COMMD1: variants seen among roughly 807,000 people sequenced by gnomAD.
COMMD1 encodes the protein copper metabolism domain containing 1.
A neutral mutation model predicts 17.2 loss-of-function variants in COMMD1; 10 were observed. The ratio of observed to expected loss-of-function variants is 0.58; its 90% CI spans 0.36 to 0.99. COMMD1 has a LOEUF of 0.99. Ranked by LOEUF, COMMD1 falls within the 50% of genes least tolerant of loss-of-function variation. COMMD1 has a pLI of 0.01. For missense variants in COMMD1, 270 were observed against 231.8 expected, an observed-to-expected ratio of 1.17 and a Z score of -1.07; for synonymous variants, 97 against 91.6, an observed-to-expected ratio of 1.06 and a Z score of -0.34.
chr2:62,066,498 C>T (rs916431369), intron 2 of COMMD1, among the ~76,000 whole-genome samples: 8 of 132,560 alleles, frequency 6.0e-5, no homozygotes, highest in Non-Finnish European at 1.3e-4. Flanking sequence ...TGCAGTGGTG[C>T]GATCTCGGCT....
intron 2 of COMMD1, among the ~76,000 whole-genome samples, chr2:62,042,626 AGG>A (rs947177309): frequency 6.6e-6 from 1 of 152,042 alleles, no homozygotes; most frequent in African/African-American, 2.4e-5. Flanking sequence ...CCCCGCGAGC[AGG>A]GGGAGCCGGC....
chr2:61,971,492 G>A (rs999346680), intron 1 of COMMD1, among the ~76,000 whole-genome samples: 18 of 152,246 alleles, frequency 1.2e-4, no homozygotes, highest in East Asian at 5.8e-4. Context: ...GTACTGTGGC[G>A]TGCCTGGGCA....
chr2:61,947,972 CTTATT>C (rs922550603), intron 1 of COMMD1, among the ~76,000 whole-genome samples: 17 of 151,924 alleles, frequency 1.1e-4, no homozygotes, highest in Non-Finnish European at 2.5e-4. Flanking sequence ...AATATATTAG[CTTATT>C]TTATCAGTAA....
At chr2:61,928,672 G>A (rs1160768237) in intron 1 of COMMD1, 1 of 152,096 alleles carries the variant, frequency 6.6e-6, no homozygotes, top group Non-Finnish European at 1.5e-5. Context: ...AAATAAATTT[G>A]TAACTGGTTG....
rs11310507 is a variant in COMMD1 at position 62,002,491 on chromosome 2, G to GAA, written c.462+1541_462+1542dup. 4.8e-3 allele frequency among the ~76,000 whole-genome samples: 170 copies of GAA among 35,088 alleles called. 8 individuals are homozygous for GAA. Among genetic ancestry groups the GAA allele is most frequent in the Middle Eastern group, 0.045 (1 of 22 alleles). 23.0% of individuals were successfully genotyped at this position (35,088 alleles called of 152,430 possible). ...GGGTGACAAGAGCGAGATTCCACCA[G>GAA]AAAAAAAAAAAAAAAAAAAAAAAAA... On this transcript the variant is annotated intron_variant, in intron 2 of 2. Transcript: ENST00000311832.
intron 1 of COMMD1, among the ~76,000 whole-genome samples, chr2:61,945,711 C>T (rs559213732): frequency 6.6e-6 from 1 of 152,144 alleles, no homozygotes; most frequent in Non-Finnish European, 1.5e-5. Context: ...ATACATCAAT[C>T]AATATATGTA....
chr2:61,941,120 C>G (rs1466806161), intron 1 of COMMD1, among the ~76,000 whole-genome samples: 1 of 151,146 alleles, frequency 6.6e-6, no homozygotes, highest in Non-Finnish European at 1.5e-5. Flanking sequence ...CTCCGACTCC[C>G]GGGTTCAAGC....
At chr2:62,000,591 C>G in intron 1 of COMMD1, 110 bp from the exon 2 acceptor site, 1 of 1,057,698 alleles carries the variant, frequency 9.5e-7, no homozygotes, top group South Asian at 1.4e-5. Context: ...TGTGTCTGGG[C>G]TATTTCAGTG....
rs371921459 is a variant in COMMD1 at position 62,078,146 on chromosome 2, G to A, written c.463-57685G>A. Among the ~76,000 whole-genome samples the A allele has an allele frequency of 2.0e-5, 3 of 148,496 alleles. No homozygotes were observed. In the East Asian group the frequency reaches 6.0e-4, roughly 29 times the overall value. ...AAAAATTAGCTGGGCGTGGTGGCAG[G>A]CACCTGTAGTCCCTGCTACTCGGGA... On this transcript the variant is annotated intron_variant, in intron 2 of 2. Coordinates refer to ENST00000311832, the MANE Select transcript of COMMD1 (RefSeq NM_152516.4).
rs374182828 is a variant in COMMD1 at position 62,124,533 on chromosome 2, A to C, written c.463-11298A>C. On this transcript the variant is annotated intron_variant, in intron 2 of 2. Transcript: ENST00000311832. ...GATCTGATGTTATTTTATTTTAAAA[A>C]TGCCTTTTGTTTGTTTGTTTGTTTG... 7.2e-5 allele frequency among the ~76,000 whole-genome samples: 11 copies of C among 151,858 alleles called. No homozygotes were observed. In the East Asian group the frequency reaches 1.2e-3, roughly 16 times the overall value.
intron 2 of COMMD1, among the ~76,000 whole-genome samples, chr2:62,095,634 T>A (rs967954367): frequency 6.6e-6 from 1 of 151,076 alleles, no homozygotes; most frequent in Non-Finnish European, 1.5e-5. Context: ...TAGTTTTAAA[T>A]GACAATAATC....
intron 2 of COMMD1, among the ~76,000 whole-genome samples, chr2:62,050,778 C>T (rs999236007): frequency 6.6e-6 from 1 of 152,120 alleles, no homozygotes; most frequent in Non-Finnish European, 1.5e-5. Flanking sequence ...TTTTGTTTCT[C>T]CTTGAAGATG....
chr2:61,978,916 G>C (rs1243131584), intron 1 of COMMD1, among the ~76,000 whole-genome samples: 1 of 152,088 alleles, frequency 6.6e-6, no homozygotes, highest in Admixed American at 6.5e-5. Flanking sequence ...CATATCAGGG[G>C]AAATGGGATA....
At chr2:62,010,006 A>T (rs149778223) in intron 2 of COMMD1, among the ~76,000 whole-genome samples, 440 of 152,312 alleles carry the variant, frequency 2.9e-3, no homozygotes, top group African/African-American at 9.8e-3. Context: ...TGAAAAGTAG[A>T]AATTTTTGGG....
intron 1 of COMMD1, among the ~76,000 whole-genome samples, chr2:61,932,829 T>A (rs1366915534): frequency 6.6e-6 from 1 of 152,162 alleles, no homozygotes. Flanking sequence ...CAGGAGTAGG[T>A]TCTGTGTGGA....
chr2:61,987,397 G>T (rs753941424), intron 1 of COMMD1, among the ~76,000 whole-genome samples: 1 of 152,146 alleles, frequency 6.6e-6, no homozygotes, highest in Non-Finnish European at 1.5e-5. Context: ...CTGCATTAAA[G>T]GGCACCCCAA....
chr2:62,069,863 G>T (rs748788515), intron 2 of COMMD1: 5 of 152,162 alleles, frequency 3.3e-5, no homozygotes, highest in African/African-American at 4.8e-5. Flanking sequence ...GATTATTCTT[G>T]AGATTGAAAA....
At chr2:61,938,603 A>G (rs943168000) in intron 1 of COMMD1, among the ~76,000 whole-genome samples, 2 of 152,122 alleles carry the variant, frequency 1.3e-5, no homozygotes, top group African/African-American at 4.8e-5. Context: ...ATAAACTTCT[A>G]TTCCTGCTCT....
intron 2 of COMMD1, among the ~76,000 whole-genome samples, chr2:62,129,836 G>A (rs1672976640): frequency 6.6e-6 from 1 of 152,166 alleles, no homozygotes; most frequent in South Asian, 2.1e-4. Flanking sequence ...TGAAAGGACA[G>A]CCCAAACAGA....
Sources: gnomAD v4.1 joint callset for allele counts (sites outside exome capture counted in the v4.1 genomes callset) on GRCh38, gnomAD v4.1.1 for gene constraint, MANE v1.5 for transcripts, NCBI Gene and HGNC (gene_info 2026-07-23, HGNC 2026-07-21) for gene names.